ARHGAP8: variants seen among roughly 807,000 people sequenced by gnomAD.
The protein encoded by ARHGAP8 is Rho GTPase activating protein 8.
In ARHGAP8, 62 loss-of-function variants were observed where a neutral mutation model predicts 46.1. That is an observed-to-expected ratio of 1.34 (90% CI 1.10 to 1.66). The LOEUF (loss-of-function observed/expected upper bound fraction) is 1.66. Ranked by LOEUF, ARHGAP8 falls within the 40% of genes most tolerant of loss-of-function variation. The pLI, the probability that ARHGAP8 is intolerant of heterozygous loss-of-function variation, is 0.00. For synonymous variants in ARHGAP8, 375 were observed against 243.1 expected, an observed-to-expected ratio of 1.54 and a Z score of -5.05; for missense variants, 923 against 568.4, an observed-to-expected ratio of 1.62 and a Z score of -6.34.
At chr22:44,851,893 AGAAAT>A (rs1207903552) in intron 10 of ARHGAP8, among the ~76,000 whole-genome samples, 2 of 151,998 alleles carry the variant, frequency 1.3e-5, no homozygotes, top group Admixed American at 6.6e-5. Context: ...AAGAAAGAAA[AGAAAT>A]AAAGAAAATG....
At chr22:44,840,252 T>C (rs1359887617) in intron 7 of ARHGAP8, among the ~76,000 whole-genome samples, 1 of 152,240 alleles carries the variant, frequency 6.6e-6, no homozygotes, top group East Asian at 1.9e-4. Flanking sequence ...ATATTTATTT[T>C]CTTGCGATTC....
rs114354846 is a variant in ARHGAP8, at chr22:44,859,289, G to T, written c.878-442G>T. Among the ~76,000 whole-genome samples, 148 of 152,286 alleles carry T rather than the reference G, an allele frequency of 9.7e-4. 1 individual carries two copies. Among genetic ancestry groups the T allele is most frequent in the African/African-American group, 3.5e-3 (144 of 41,554 alleles). On this transcript the variant is annotated intron_variant, in intron 10 of 11. Transcript: ENST00000356099. ...TGGATCATGAGGGCAGATACCTCATGGGTTGGTGCTGTCCTCGAGATAGTG... is the reference window on the plus strand; with the variant it reads ...TGGATCATGAGGGCAGATACCTCATTGGTTGGTGCTGTCCTCGAGATAGTG...
In ARHGAP8 at chr22:44,786,451, C is replaced by T. The variant is rs749015749; in HGVS notation, c.-71-6C>T. The T allele has an allele frequency of 1.9e-6, 3 of 1,588,842 alleles. No homozygotes were observed. The highest frequency in any genetic ancestry group is 1.1e-5 in the South Asian group (1 of 87,418). ...CACTGACTTCCTTTAATCTTCTTTG[C>T]CGCAGAGCTGCAGAGAGACAAGGCG... On this transcript the variant is annotated splice_region_variant and splice_polypyrimidine_tract_variant and intron_variant, in intron 1 of 11. Coordinates refer to ENST00000356099, the MANE Select transcript of ARHGAP8 (RefSeq NM_181335.3).
chr22:44,813,800 TAC>T (rs1415680756), intron 4 of ARHGAP8, among the ~76,000 whole-genome samples: 31 of 150,792 alleles, frequency 2.1e-4, no homozygotes, highest in Non-Finnish European at 3.4e-4. Flanking sequence ...CACATACAAT[TAC>T]AGTTACATAC....
At chr22:44,815,888 T>C (rs542484005) in intron 5 of ARHGAP8, among the ~76,000 whole-genome samples, 1 of 151,578 alleles carries the variant, frequency 6.6e-6, no homozygotes, top group African/African-American at 2.4e-5. Flanking sequence ...ATGTCGTTCT[T>C]GCACGGTGGC....
At chr22:44,754,854 A>T (rs1459752104) in intron 1 of ARHGAP8, among the ~76,000 whole-genome samples, 1 of 152,170 alleles carries the variant, frequency 6.6e-6, no homozygotes, top group Non-Finnish European at 1.5e-5. Flanking sequence ...CCACATTAAA[A>T]AAAACCCATC....
chr22:44,813,283 CACAT>C (rs1473686187), intron 4 of ARHGAP8, among the ~76,000 whole-genome samples: 1 of 151,794 alleles, frequency 6.6e-6, no homozygotes. Flanking sequence ...CCTACATACA[CACAT>C]ACACACCTGG....
rs1489088289 is a variant in ARHGAP8, at chr22:44,794,345, T to C, written c.80-7732T>C. Among the ~76,000 whole-genome samples, 3 of 152,186 alleles carry C rather than the reference T, an allele frequency of 2.0e-5. No homozygotes were observed. The East Asian group carries it at 5.8e-4, about 29-fold the overall frequency. On this transcript the variant is annotated intron_variant, in intron 2 of 11. Transcript: ENST00000356099. Reference sequence around the variant, plus strand: ...GGCGCCAGCCCAGCTCAGCCAGGGATTGGGCAGAGGAAGAGATTCTACCCT... The same window carrying C: ...GGCGCCAGCCCAGCTCAGCCAGGGACTGGGCAGAGGAAGAGATTCTACCCT...
chr22:44,797,102 A>G (rs1055224102), intron 2 of ARHGAP8, among the ~76,000 whole-genome samples: 3 of 152,010 alleles, frequency 2.0e-5, no homozygotes. Context: ...GGAGCTGAGT[A>G]TACAGTGGGC....
rs1159316355 is a variant in ARHGAP8, at chr22:44,808,354, T to C, written c.215T>C (p.Ile72Thr). ...LDQYVENDYT[I>T]VYFHYGLNSR... ...CAATACGTTGAGAACGATTATACCA[T>C]CGTCTATTTCCACTACGGGCTGAAC... is the stretch of plus-strand genomic sequence containing the variant. The change falls in exon 4 of 12, where the codon ATC (isoleucine) becomes ACC (threonine). Residue 72 changes from isoleucine (I) to threonine (T), a missense_variant. Ile to Thr is a moderately conservative substitution (Grantham distance 89). Coordinates refer to ENST00000356099, the MANE Select transcript of ARHGAP8 (RefSeq NM_181335.3). The C allele has an allele frequency of 1.9e-6, 3 of 1,614,144 alleles. No homozygotes were observed. In the African/African-American group the frequency reaches 4.0e-5, roughly 22 times the overall value.
chr22:44,848,179 G>T, intron 9 of ARHGAP8, 129 bp downstream of exon 9: 2 of 1,338,314 alleles, frequency 1.5e-6, no homozygotes, highest in Non-Finnish European at 2.0e-6. Context: ...CACTCAGGGT[G>T]GGGGCAGCTT....
At chr22:44,786,634 GA>G (rs1927260855) in intron 2 of ARHGAP8, 28 bp downstream of exon 2, 2 of 1,603,230 alleles carry the variant, frequency 1.2e-6, no homozygotes, top group Non-Finnish European at 1.7e-6. Context: ...CAGTCTGCAG[GA>G]CCATGGGCAG....
intron 2 of ARHGAP8, among the ~76,000 whole-genome samples, chr22:44,797,633 T>G (rs62232211): frequency 6.6e-6 from 1 of 152,174 alleles, no homozygotes; most frequent in Non-Finnish European, 1.5e-5. Context: ...TGCTCTAGGA[T>G]TCCAAACCTC....
intron 1 of ARHGAP8, among the ~76,000 whole-genome samples, chr22:44,771,422 A>T (rs1925991488): frequency 6.7e-6 from 1 of 148,328 alleles, no homozygotes; most frequent in African/African-American, 2.5e-5. Context: ...AATTTTTGTG[A>T]TTTTAGTAGA....
chr22:44,822,539 C>A, intron 6 of ARHGAP8, 70 bp downstream of exon 6: 1 of 1,346,432 alleles, frequency 7.4e-7, no homozygotes, highest in Non-Finnish European at 9.9e-7. Context: ...TGGTTCAGTC[C>A]CATGAATGTT....
chr22:44,799,721 T>C (rs924299062), intron 2 of ARHGAP8, among the ~76,000 whole-genome samples: 1 of 151,540 alleles, frequency 6.6e-6, no homozygotes, highest in African/African-American at 2.4e-5. Flanking sequence ...TGTTTAATTG[T>C]AATGAAGAAG....
intron 10 of ARHGAP8, chr22:44,850,118 A>G (rs2070057473): frequency 6.6e-6 from 1 of 152,158 alleles, no homozygotes; most frequent in Non-Finnish European, 1.5e-5. Flanking sequence ...TTCAGTCTCA[A>G]GGCGTCCTGT....
At position 44,822,390 on chromosome 22, in the gene ARHGAP8, G is replaced by A. The variant is rs777857002; in HGVS notation, c.406G>A (p.Val136Ile). Residue 136 changes from valine to isoleucine, a missense_variant, in exon 6 of 12, where the codon GTC (valine) becomes ATC (isoleucine). Transcript: ENST00000356099. ...PLISHKFGKK[V>I]IYFNYLSELH... Reference sequence around the variant, plus strand: ...TCTTAGTCACAAGTTTGGGAAGAAAGTCATCTATTTCAACTACCTGAGTGA... The same window carrying A: ...TCTTAGTCACAAGTTTGGGAAGAAAATCATCTATTTCAACTACCTGAGTGA... The A allele has an allele frequency of 1.3e-6, 2 of 1,584,342 alleles. No homozygotes were observed. Among genetic ancestry groups the A allele is most frequent in the Non-Finnish European group, 1.7e-6 (2 of 1,170,088 alleles).
chr22:44,790,453 G>A (rs752551786), intron 2 of ARHGAP8, among the ~76,000 whole-genome samples: 3 of 151,816 alleles, frequency 2.0e-5, no homozygotes, highest in Non-Finnish European at 4.4e-5. Context: ...AGGAAGGCGG[G>A]TCACCTGAGG....
Sources: gnomAD v4.1 joint callset for allele counts (sites outside exome capture counted in the v4.1 genomes callset) on GRCh38, gnomAD v4.1.1 for gene constraint, MANE v1.5 for transcripts, NCBI Gene and HGNC (gene_info 2026-07-23, HGNC 2026-07-21) for gene names.